Variants in TNRC6B observed in about 807,000 individuals in gnomAD.
The protein encoded by TNRC6B is trinucleotide repeat containing adaptor 6B, also known as trinucleotide repeat-containing gene 6B protein.
In TNRC6B, 52 loss-of-function variants were observed where a neutral mutation model predicts 203.6. The observed-to-expected ratio is 0.26, with a 90% CI of 0.20 to 0.32. TNRC6B has a LOEUF of 0.32. TNRC6B is among the 10% of genes least tolerant of loss of function. The pLI is 1.00. For missense variants in TNRC6B, 1,923 were observed against 2,286.2 expected, an observed-to-expected ratio of 0.84 and a Z score of 3.24; for synonymous variants, 838 against 845.7, an observed-to-expected ratio of 0.99 and a Z score of 0.16.
At chr22:40,191,670 C>A (rs973045766) in intron 1 of TNRC6B, among the ~76,000 whole-genome samples, 2 of 152,232 alleles carry the variant, frequency 1.3e-5, no homozygotes, top group Non-Finnish European at 2.9e-5. Context: ...TGACCTTGAA[C>A]TCCTGGGCTC....
At chr22:40,115,959 A>C (rs2068383738) in intron 1 of TNRC6B, among the ~76,000 whole-genome samples, 1 of 152,234 alleles carries the variant, frequency 6.6e-6, no homozygotes, top group Admixed American at 6.5e-5. Context: ...GAGACAAGTC[A>C]AAATATTTCT....
intron 1 of TNRC6B, among the ~76,000 whole-genome samples, chr22:40,107,681 T>C (rs1382090653): frequency 6.6e-6 from 1 of 152,114 alleles, no homozygotes; most frequent in Non-Finnish European, 1.5e-5. Flanking sequence ...TTATACTTAT[T>C]GCAGGATAAT....
At chr22:40,103,750 C>T (rs945482983) in intron 1 of TNRC6B, among the ~76,000 whole-genome samples, 1 of 151,914 alleles carries the variant, frequency 6.6e-6, no homozygotes, top group Non-Finnish European at 1.5e-5. Context: ...TCAAGCAATT[C>T]TCCTGTCTCA....
intron 12 of TNRC6B, among the ~76,000 whole-genome samples, chr22:40,292,578 A>G (rs372670140): frequency 2.0e-5 from 3 of 152,200 alleles, no homozygotes; most frequent in Non-Finnish European, 2.9e-5. Flanking sequence ...ACTTTCTCCA[A>G]TCCAGCAGGA....
At chr22:40,159,686 A>G (rs963700802) in intron 4 of TNRC6B, among the ~76,000 whole-genome samples, 1 of 143,072 alleles carries the variant, frequency 7.0e-6, no homozygotes, top group East Asian at 2.0e-4. Flanking sequence ...AGAAAGGTGA[A>G]ACCCTTCCCT....
At position 40,223,381 on chromosome 22, in the gene TNRC6B, C is replaced by T. The variant is rs183579717; in HGVS notation, c.6-22634C>T. 4.6e-5 allele frequency among the ~76,000 whole-genome samples: 7 copies of T among 152,222 alleles called. No individual in the cohort carries two copies. In the East Asian group the frequency reaches 9.7e-4, roughly 21 times the overall value. ...GACTTGAACTCTTGACCTCGTGATC[C>T]GCCTGCCTTGACCTCCCAAAGTGCT... On this transcript the variant is annotated intron_variant, in intron 1 of 22. Coordinates refer to ENST00000454349, the MANE Select transcript of TNRC6B (RefSeq NM_001162501.2).
intron 11 of TNRC6B, among the ~76,000 whole-genome samples, chr22:40,282,909 G>C (rs575962915): frequency 1.3e-5 from 2 of 152,210 alleles, no homozygotes; most frequent in South Asian, 4.1e-4. Context: ...AATACCACCA[G>C]ACTCAGGTAA....
intron 1 of TNRC6B, among the ~76,000 whole-genome samples, chr22:40,080,106 T>TG (rs892592436): frequency 6.7e-6 from 1 of 148,920 alleles, no homozygotes. Context: ...TTTTTTTTTT[T>TG]TTTTTTTGTG....
In TNRC6B at chr22:40,218,445, G is replaced by A. The variant is rs548018171; in HGVS notation, c.6-27570G>A. The stretch of plus-strand genomic sequence containing the variant: ...GGGCTCAGGCAATCTTCCTACCTCA[G>A]CCTCTTGAGTAGCTGGGAGTAAAGG... On this transcript the variant is annotated intron_variant, in intron 1 of 22. Transcript: ENST00000454349. Among the ~76,000 whole-genome samples the A allele has an allele frequency of 1.5e-3, 225 of 147,112 alleles. 1 individual carries two copies. The highest frequency in any genetic ancestry group is 5.3e-3 in the African/African-American group (213 of 40,158).
intron 1 of TNRC6B, among the ~76,000 whole-genome samples, chr22:40,221,817 A>G (rs544205628): frequency 3.1e-5 from 4 of 129,144 alleles, no homozygotes; most frequent in African/African-American, 1.2e-4. Flanking sequence ...CAAGGCTCCC[A>G]CTGGACATTC....
intron 15 of TNRC6B, among the ~76,000 whole-genome samples, chr22:40,307,456 C>T (rs1389050281): frequency 6.6e-6 from 1 of 152,096 alleles, no homozygotes; most frequent in Admixed American, 6.6e-5. Context: ...ATTATTCTCC[C>T]CCTCCCCTGT....
At position 40,265,822 on chromosome 22, in the gene TNRC6B, C is replaced by G; in HGVS notation, c.1592C>G (p.Pro531Arg). The G allele has an allele frequency of 6.2e-7, 1 of 1,613,974 alleles. No individual in the cohort carries two copies. Among genetic ancestry groups the G allele is most frequent in the Non-Finnish European group, 8.5e-7 (1 of 1,179,892 alleles). ...KIGEWSGPNQPNSSTGAWDNQ... is the reference protein window; with the variant it reads ...KIGEWSGPNQRNSSTGAWDNQ... ...GGAGAATGGAGTGGTCCAAACCAAC[C>G]AAATTCTAGCACTGGAGCATGGGAC... Residue 531 changes from proline (P) to arginine (R), a missense_variant, in exon 5 of 23, where the codon CCA becomes CGA. Physicochemically the swap from Pro to Arg is moderately radical, Grantham distance 103. Coordinates refer to ENST00000454349, the MANE Select transcript of TNRC6B (RefSeq NM_001162501.2).
intron 1 of TNRC6B, among the ~76,000 whole-genome samples, chr22:40,212,452 A>G (rs2069577865): frequency 6.6e-6 from 1 of 152,136 alleles, no homozygotes; most frequent in Admixed American, 6.5e-5. Context: ...GCCAGGATTT[A>G]TTATTTTTTA....
chr22:40,288,726 A>G (rs944885280), intron 12 of TNRC6B, among the ~76,000 whole-genome samples: 1 of 151,644 alleles, frequency 6.6e-6, no homozygotes, highest in African/African-American at 2.4e-5. Context: ...TATTTTTAGT[A>G]GAGACGGCAT....
intron 1 of TNRC6B, among the ~76,000 whole-genome samples, chr22:40,193,558 C>T (rs2069300119): frequency 6.6e-6 from 1 of 152,132 alleles, no homozygotes; most frequent in Non-Finnish European, 1.5e-5. Flanking sequence ...TGGACTGCAG[C>T]CTGGCACTCC....
At chr22:40,223,847 C>T (rs958248283) in intron 1 of TNRC6B, among the ~76,000 whole-genome samples, 3 of 152,112 alleles carry the variant, frequency 2.0e-5, no homozygotes, top group African/African-American at 7.2e-5. Context: ...CAAATTGTCC[C>T]GTACAGAGAT....
At chr22:40,151,826 C>G (rs2068758954) in intron 3 of TNRC6B, among the ~76,000 whole-genome samples, 1 of 150,836 alleles carries the variant, frequency 6.6e-6, no homozygotes, top group African/African-American at 2.4e-5. Flanking sequence ...CTCAGAGATT[C>G]ATTCAGACAC....
At chr22:40,102,802 C>T (rs928451432) in intron 1 of TNRC6B, among the ~76,000 whole-genome samples, 31 of 151,220 alleles carry the variant, frequency 2.0e-4, no homozygotes, top group African/African-American at 4.2e-4. Flanking sequence ...AAATTGACTG[C>T]GCGTGGTGGC....
intron 1 of TNRC6B, among the ~76,000 whole-genome samples, chr22:40,061,912 A>G (rs2067856908): frequency 6.6e-6 from 1 of 152,070 alleles, no homozygotes. Flanking sequence ...TGTCTCTACT[A>G]AAAATACAAA....
Sources: allele counts gnomAD v4.1 joint callset (sites outside exome capture counted in the v4.1 genomes callset), GRCh38; gene constraint gnomAD v4.1.1; transcripts MANE v1.5; gene names NCBI Gene and HGNC (gene_info 2026-07-23, HGNC 2026-07-21).